Variants in CAB39L observed in about 807,000 individuals in gnomAD.
CAB39L encodes the protein calcium-binding protein 39-like.
CAB39L carries 23 observed loss-of-function variants against 39.1 expected under a neutral mutation model. The observed-to-expected ratio is 0.59, with a 90% confidence interval of 0.42 to 0.83. The LOEUF (loss-of-function observed/expected upper bound fraction) is 0.83. Ranked by LOEUF, CAB39L falls within the 40% of genes least tolerant of loss-of-function variation. The pLI, the probability that CAB39L is intolerant of heterozygous loss-of-function variation, is 0.00. For missense variants in CAB39L, 366 were observed against 391.9 expected, an observed-to-expected ratio of 0.93 and a Z score of 0.56; for synonymous variants, 126 against 137.2, an observed-to-expected ratio of 0.92 and a Z score of 0.57.
At chr13:49,416,983 G>A (rs969074291) in intron 3 of CAB39L, among the ~76,000 whole-genome samples, 15 of 152,122 alleles carry the variant, frequency 9.9e-5, no homozygotes, top group African/African-American at 3.6e-4. Flanking sequence ...CCAAGCAAAT[G>A]TTAGTCTATA....
chr13:49,334,607 G>T (rs934707675), intron 9 of CAB39L, among the ~76,000 whole-genome samples: 9 of 152,170 alleles, frequency 5.9e-5, no homozygotes, highest in Non-Finnish European at 1.2e-4. Flanking sequence ...GTAGTGCAGA[G>T]TTATTTGTGA....
intron 5 of CAB39L, among the ~76,000 whole-genome samples, chr13:49,370,637 G>C (rs2138541423): frequency 6.6e-6 from 1 of 152,292 alleles, no homozygotes; most frequent in South Asian, 2.1e-4. Flanking sequence ...GCATTCCCCA[G>C]AAAGCAGAGG....
chr13:49,382,961 C>A lies in CAB39L; in HGVS notation c.-31-20G>T. 1.9e-6 allele frequency: 2 copies of A among 1,073,038 alleles called. No individual in the cohort carries two copies. Among genetic ancestry groups the A allele is most frequent in the Admixed American group, 2.2e-5 (1 of 45,794 alleles). The allele number at this position is 1,073,038 out of a possible 1,614,324, so 66.5% of individuals were successfully genotyped here. On this transcript the variant is annotated intron_variant, in intron 3 of 10. Coordinates refer to ENST00000409308, the MANE Select transcript of CAB39L (RefSeq NM_001079670.3). The stretch of plus-strand genomic sequence containing the variant: ...GGAATGCTAAAAACAAATAAGCCAA[C>A]AAAAATTATAACTTTAACTCTTAAT...
chr13:49,374,895 G>A (rs1003707393), intron 5 of CAB39L, among the ~76,000 whole-genome samples: 7 of 152,080 alleles, frequency 4.6e-5, no homozygotes, highest in South Asian at 4.1e-4. Context: ...AATTAATGAC[G>A]ACAGTAGCTT....
chr13:49,436,874 C>T (rs1410340234), intron 1 of CAB39L, among the ~76,000 whole-genome samples: 2 of 152,140 alleles, frequency 1.3e-5, no homozygotes, highest in Non-Finnish European at 1.5e-5. Flanking sequence ...CTGTAGTTTT[C>T]TTTAGTGCTA....
At chr13:49,395,878 C>A (rs1182535201) in intron 3 of CAB39L, among the ~76,000 whole-genome samples, 1 of 152,054 alleles carries the variant, frequency 6.6e-6, no homozygotes. Flanking sequence ...AGGGGAATAG[C>A]CACTTGGAGC....
At chr13:49,318,878 C>A (rs1182826293) in intron 10 of CAB39L, among the ~76,000 whole-genome samples, 1 of 151,656 alleles carries the variant, frequency 6.6e-6, no homozygotes, top group Non-Finnish European at 1.5e-5. Flanking sequence ...TGCAAACAAC[C>A]CAAATGTCCC....
At chr13:49,350,477 T>TG (rs1955313092) in intron 7 of CAB39L, among the ~76,000 whole-genome samples, 1 of 152,230 alleles carries the variant, frequency 6.6e-6, no homozygotes, top group South Asian at 2.1e-4. Flanking sequence ...CACAGAGCAC[T>TG]ACATATTCCT....
intron 10 of CAB39L, among the ~76,000 whole-genome samples, chr13:49,323,288 C>T (rs1954405518): frequency 6.6e-6 from 1 of 152,218 alleles, no homozygotes; most frequent in African/African-American, 2.4e-5. Context: ...GGGGCCTTCA[C>T]TCTGCTATCA....
intron 5 of CAB39L, among the ~76,000 whole-genome samples, chr13:49,370,587 G>T (rs1955893536): frequency 6.6e-6 from 1 of 152,154 alleles, no homozygotes; most frequent in Admixed American, 6.6e-5. Context: ...CACCCAAAAT[G>T]GTTGTTCCCA....
chr13:49,351,084 G>A (rs532911474), intron 6 of CAB39L, 172 bp from the exon 7 acceptor site: 19 of 364,980 alleles, frequency 5.2e-5, no homozygotes, highest in African/African-American at 3.4e-4. Context: ...TATTGCAGAC[G>A]TATTCTGGAA....
At chr13:49,443,221 T>C (rs191440799) in intron 1 of CAB39L, among the ~76,000 whole-genome samples, 1 of 152,096 alleles carries the variant, frequency 6.6e-6, no homozygotes, top group East Asian at 1.9e-4. Flanking sequence ...AAGCATGTCA[T>C]GGCAGACCCA....
intron 3 of CAB39L, among the ~76,000 whole-genome samples, chr13:49,409,929 C>G (rs1956956151): frequency 6.7e-6 from 1 of 150,108 alleles, no homozygotes; most frequent in African/African-American, 2.4e-5. Flanking sequence ...AAAAAAAAAT[C>G]CACATAAATA....
At chr13:49,322,926 C>T (rs1954391862) in intron 10 of CAB39L, among the ~76,000 whole-genome samples, 1 of 152,218 alleles carries the variant, frequency 6.6e-6, no homozygotes, top group African/African-American at 2.4e-5. Flanking sequence ...TGTTGGCTTG[C>T]ATTATGATAT....
At chr13:49,406,644 A>T (rs1445951258) in intron 3 of CAB39L, among the ~76,000 whole-genome samples, 1 of 151,948 alleles carries the variant, frequency 6.6e-6, no homozygotes, top group East Asian at 1.9e-4. Flanking sequence ...TTTGAAAATT[A>T]AAAAGACAAC....
chr13:49,347,291 AT>A lies in CAB39L; in HGVS notation c.565-3054del, dbSNP rs1275627420. Among the ~76,000 whole-genome samples, 8 of 152,348 alleles carry A rather than the reference AT, an allele frequency of 5.3e-5. No individual in the cohort carries two copies. In the East Asian group the frequency reaches 1.5e-3, roughly 29 times the overall value. On this transcript the variant is annotated intron_variant, in intron 7 of 10. Coordinates refer to ENST00000409308, the MANE Select transcript of CAB39L (RefSeq NM_001079670.3). ...AATCAAAACACCATTTATTTTTGTC[AT>A]TCAATATTGTTGCTGAAAATTAAAT...
At chr13:49,354,008 A>G (rs1955424151) in intron 6 of CAB39L, among the ~76,000 whole-genome samples, 1 of 152,244 alleles carries the variant, frequency 6.6e-6, no homozygotes, top group African/African-American at 2.4e-5. Context: ...TATACAAAAT[A>G]TGCATCATCT....
At chr13:49,356,265 T>A (rs901367201) in intron 6 of CAB39L, among the ~76,000 whole-genome samples, 4 of 152,158 alleles carry the variant, frequency 2.6e-5, no homozygotes, top group African/African-American at 9.7e-5. Context: ...CTGCTTAAAA[T>A]TTTTTATAAT....
rs1196044212 is a variant in CAB39L at position 49,310,753 on chromosome 13, T to C, written c.*61A>G. 1.3e-6 allele frequency: 2 copies of C among 1,519,276 alleles called. No individual in the cohort carries two copies. Among genetic ancestry groups the C allele is most frequent in the Non-Finnish European group, 8.9e-7 (1 of 1,121,436 alleles). 94.1% of individuals were successfully genotyped at this position (1,519,276 alleles called of 1,614,324 possible). Reference sequence around the variant, plus strand: ...TCCCAAGAATGATGACTTTCTGAAATGACACACTGTACAAACTGGACAAAT... The same window carrying C: ...TCCCAAGAATGATGACTTTCTGAAACGACACACTGTACAAACTGGACAAAT... On this transcript the variant is annotated 3_prime_UTR_variant, in exon 11 of 11. Coordinates refer to ENST00000409308, the MANE Select transcript of CAB39L (RefSeq NM_001079670.3).
Sources: gnomAD v4.1 joint callset for allele counts (sites outside exome capture counted in the v4.1 genomes callset) on GRCh38, gnomAD v4.1.1 for gene constraint, MANE v1.5 for transcripts, NCBI Gene and HGNC (gene_info 2026-07-23, HGNC 2026-07-21) for gene names.